SYT1: variants seen among roughly 807,000 people sequenced by gnomAD.
The protein encoded by SYT1 is synaptotagmin 1.
SYT1 carries 8 observed loss-of-function variants against 44.8 expected under a neutral mutation model. The ratio of observed to expected loss-of-function variants is 0.18; its 90% CI spans 0.10 to 0.32. SYT1 has a LOEUF of 0.32. Among genes scored for constraint, SYT1 ranks in the 10% least tolerant of loss-of-function variants. The pLI, the probability that SYT1 is intolerant of heterozygous loss-of-function variation, is 1.00. For synonymous variants in SYT1, 154 were observed against 188.8 expected (o/e 0.82, Z 1.51); for missense variants, 286 against 509.3 (o/e 0.56, Z 4.22).
At chr12:79,405,454 A>G (rs1885211327) in intron 9 of SYT1, among the ~76,000 whole-genome samples, 1 of 152,144 alleles carries the variant, frequency 6.6e-6, no homozygotes, top group African/African-American at 2.4e-5. Context: ...CAACCCAGCT[A>G]TGGGAAATAC....
intron 3 of SYT1, among the ~76,000 whole-genome samples, chr12:79,095,031 T>G (rs556034378): frequency 6.6e-6 from 1 of 151,984 alleles, no homozygotes; most frequent in East Asian, 1.9e-4. Flanking sequence ...AACCTTTTGG[T>G]AGGCCACCCA....
chr12:79,041,260 G>A (rs1465247935), intron 2 of SYT1, among the ~76,000 whole-genome samples: 3 of 152,122 alleles, frequency 2.0e-5, no homozygotes, highest in Admixed American at 1.3e-4. Flanking sequence ...CCATGAGCAT[G>A]GAATGTTCTT....
At chr12:79,398,982 A>G (rs118163908) in intron 9 of SYT1, among the ~76,000 whole-genome samples, 283 of 152,320 alleles carry the variant, frequency 1.9e-3, no homozygotes, top group Non-Finnish European at 2.4e-3. Context: ...TAACCAGTAC[A>G]GTAGATGAAA....
chr12:79,099,694 A>C (rs1878337684), intron 3 of SYT1, among the ~76,000 whole-genome samples: 1 of 152,276 alleles, frequency 6.6e-6, no homozygotes, highest in African/African-American at 2.4e-5. Flanking sequence ...TGTGTTAAAA[A>C]CAAACACTGG....
chr12:79,438,257 A>T (rs1870203264), intron 9 of SYT1, among the ~76,000 whole-genome samples: 1 of 151,870 alleles, frequency 6.6e-6, no homozygotes. Context: ...ATCTCCTCTT[A>T]CTCCCTGGCC....
At chr12:78,935,025 A>G (rs1391177497) in intron 1 of SYT1, among the ~76,000 whole-genome samples, 3 of 152,234 alleles carry the variant, frequency 2.0e-5, no homozygotes, top group East Asian at 3.9e-4. Flanking sequence ...GGCTGAATTC[A>G]TTTCCAATGA....
intron 3 of SYT1, among the ~76,000 whole-genome samples, chr12:79,168,350 G>A (rs113723386): frequency 2.7e-4 from 41 of 151,974 alleles, no homozygotes; most frequent in East Asian, 3.9e-4. Flanking sequence ...AACCAAAACC[G>A]TGTCAGGCAA....
chr12:79,400,348 C>A (rs1359988230), intron 9 of SYT1, among the ~76,000 whole-genome samples: 1 of 152,178 alleles, frequency 6.6e-6, no homozygotes, highest in African/African-American at 2.4e-5. Flanking sequence ...CAGAATCAAG[C>A]ACCATACCCA....
chr12:79,232,957 TTACAA>T (rs1258604035), intron 4 of SYT1, among the ~76,000 whole-genome samples: 4 of 152,206 alleles, frequency 2.6e-5, no homozygotes, highest in African/African-American at 9.6e-5. Flanking sequence ...CCACTCTACT[TTACAA>T]TACATCTTTG....
intron 9 of SYT1, among the ~76,000 whole-genome samples, chr12:79,366,849 G>C (rs1883562739): frequency 6.6e-6 from 1 of 151,246 alleles, no homozygotes; most frequent in East Asian, 1.9e-4. Context: ...ACCATATCCT[G>C]GCTCCAGGAG....
chr12:79,235,636 ATATATATAATGAT>A (rs1330408254), intron 4 of SYT1, among the ~76,000 whole-genome samples: 8 of 148,462 alleles, frequency 5.4e-5, no homozygotes, highest in Middle Eastern at 3.6e-3. Flanking sequence ...TAATATATAA[ATATATATAATGAT>A]TATATATAAT....
chr12:79,063,208 T>G (rs1875518197), intron 3 of SYT1, among the ~76,000 whole-genome samples: 1 of 152,188 alleles, frequency 6.6e-6, no homozygotes, highest in South Asian at 2.1e-4. Flanking sequence ...AATATGACCC[T>G]TTGTTAAGTT....
In SYT1 at chr12:79,230,737, A is replaced by G. The variant is rs191605937; in HGVS notation, c.166+13052A>G. On this transcript the variant is annotated intron_variant, in intron 4 of 10. Transcript: ENST00000261205. ...TAAACTTCCAAAGCACAGGTAATACAGAGTAACAGTAAGCACAAAAAGCCA... is the reference window on the plus strand; with the variant it reads ...TAAACTTCCAAAGCACAGGTAATACGGAGTAACAGTAAGCACAAAAAGCCA... Among the ~76,000 whole-genome samples, 114 of 152,230 alleles carry G rather than the reference A, an allele frequency of 7.5e-4. 1 individual carries two copies. Among genetic ancestry groups the G allele is most frequent in the Admixed American group, 3.2e-3 (49 of 15,296 alleles).
intron 4 of SYT1, among the ~76,000 whole-genome samples, chr12:79,246,636 T>C (rs921478350): frequency 2.6e-5 from 4 of 152,214 alleles, no homozygotes; most frequent in South Asian, 4.1e-4. Context: ...GCAAATACTG[T>C]GTGAAGCCTC....
At chr12:79,272,578 G>A (rs987599282) in intron 4 of SYT1, among the ~76,000 whole-genome samples, 3 of 152,166 alleles carry the variant, frequency 2.0e-5, no homozygotes, top group Non-Finnish European at 4.4e-5. Flanking sequence ...GGTTTGGGAA[G>A]GAGATAAAGG....
chr12:79,392,366 A>G (rs546039111), intron 9 of SYT1: 12 of 152,362 alleles, frequency 7.9e-5, no homozygotes, highest in Middle Eastern at 3.4e-3. Context: ...AACAGATTTC[A>G]TAATTTGAAA....
chr12:78,879,461 A>C (rs893055447), intron 1 of SYT1, among the ~76,000 whole-genome samples: 5 of 151,616 alleles, frequency 3.3e-5, no homozygotes, highest in African/African-American at 9.7e-5. Context: ...AGACATCTCA[A>C]ACTCACCACA....
At chr12:79,126,674 AC>A (rs1243010752) in intron 3 of SYT1, among the ~76,000 whole-genome samples, 1 of 152,174 alleles carries the variant, frequency 6.6e-6, no homozygotes. Context: ...CTATCTGGAC[AC>A]CTCAAAATGG....
chr12:78,962,049 T>C (rs1879532330), intron 1 of SYT1, among the ~76,000 whole-genome samples: 1 of 152,134 alleles, frequency 6.6e-6, no homozygotes, highest in Non-Finnish European at 1.5e-5. Flanking sequence ...TTCTTCTCGT[T>C]TTTGTTTTCT....
Sources: allele counts gnomAD v4.1 joint callset (sites outside exome capture counted in the v4.1 genomes callset), GRCh38; gene constraint gnomAD v4.1.1; transcripts MANE v1.5; gene names NCBI Gene and HGNC (gene_info 2026-07-23, HGNC 2026-07-21).